The following PTPRF variants were observed in gnomAD, a reference collection of about 807,000 sequenced individuals.
PTPRF encodes the protein protein tyrosine phosphatase receptor type F.
A neutral mutation model predicts 201.8 loss-of-function variants in PTPRF; 59 were observed. That is an observed-to-expected ratio of 0.29 (90% CI 0.24 to 0.36). The LOEUF is 0.36. Ranked by LOEUF, PTPRF falls within the 10% of genes least tolerant of loss-of-function variation. The probability of loss-of-function intolerance (pLI) is 1.00; values close to 1 mark genes in which losing one functional copy is unlikely to be tolerated. For synonymous variants in PTPRF, 1,088 were observed against 1,089.7 expected (o/e 1.00, Z 0.03); for missense variants, 2,132 against 2,690.5 (o/e 0.79, Z 4.59).
chr1:43,587,864 G>A (rs192929934), intron 7 of PTPRF, among the ~76,000 whole-genome samples: 4 of 152,310 alleles, frequency 2.6e-5, no homozygotes, highest in African/African-American at 4.8e-5. Flanking sequence ...CTTCGGGGGC[G>A]GGTGGTTCTA....
chr1:43,523,592 GA>G (rs1318236061), upstream of PTPRF, among the ~76,000 whole-genome samples: 2 of 150,226 alleles, frequency 1.3e-5, no homozygotes, highest in South Asian at 2.1e-4. Context: ...AATGAATACC[GA>G]AAAAAAAACT....
At chr1:43,544,973 G>A in intron 2 of PTPRF, 58 bp from the exon 3 acceptor site, 1 of 995,542 alleles carries the variant, frequency 1.0e-6, no homozygotes, top group Non-Finnish European at 1.5e-6. Context: ...GTCAGGGGTG[G>A]GCATTAGGGA....
rs776694646 is a variant in PTPRF, at chr1:43,603,788, T to C, written c.2636T>C (p.Val879Ala). Residue 879 changes from valine (V) to alanine (A), a missense_variant, in exon 16 of 34, where the codon GTC becomes GCC. Coordinates refer to ENST00000359947, the MANE Select transcript of PTPRF (RefSeq NM_002840.5). This position sits in a 1 kb window ranked among gnomAD's most constrained non-coding sequence, Gnocchi z 5.8. The stretch of plus-strand genomic sequence containing the variant: ...GGCAAGGATGACCAGCACTTCACAG[T>C]CACCGGCCTGCACAAGGGGACCACC... ...DFGKDDQHFT[V>A]TGLHKGTTYI... 3 of 1,614,036 alleles carry C rather than the reference T, an allele frequency of 1.9e-6. No individual in the cohort carries two copies. The highest frequency in any genetic ancestry group is 1.1e-5 in the South Asian group (1 of 91,070).
intron 6 of PTPRF, among the ~76,000 whole-genome samples, chr1:43,570,034 G>A (rs1646463234): frequency 6.6e-6 from 1 of 152,216 alleles, no homozygotes; most frequent in African/African-American, 2.4e-5. Context: ...CATGTGATGT[G>A]CCAGTGTGGT....
chr1:43,554,012 C>A lies in PTPRF; in HGVS notation c.379+71C>A. ...GTGGGAAGAGCCAGCCAGCCCTGAT[C>A]CTGTCCTGGGCCCATGTGCATTTGG... is the stretch of plus-strand genomic sequence containing the variant. On this transcript the variant is annotated intron_variant, in intron 5 of 33. Transcript: ENST00000359947. This position sits in a 1 kb window ranked among gnomAD's most constrained non-coding sequence, Gnocchi z 4.1. 1 of 1,581,520 alleles carries A rather than the reference C, an allele frequency of 6.3e-7. No homozygotes were observed. Among genetic ancestry groups the A allele is most frequent in the Non-Finnish European group, 8.6e-7 (1 of 1,160,892 alleles).
intron 7 of PTPRF, chr1:43,579,424 C>T (rs1426312833): frequency 5.7e-6 from 2 of 352,968 alleles, no homozygotes; most frequent in Admixed American, 3.8e-5. Flanking sequence ...AGCCTATCCT[C>T]TGGCCAGGTC....
intron 7 of PTPRF, chr1:43,583,237 C>A: frequency 2.2e-6 from 1 of 462,732 alleles, no homozygotes; most frequent in Non-Finnish European, 2.8e-6. Flanking sequence ...GGCCGGCGGG[C>A]AGGCAGGACC....
chr1:43,604,817 A>T, intron 16 of PTPRF, 86 bp from the exon 17 acceptor site: 1 of 1,141,678 alleles, frequency 8.8e-7, no homozygotes, highest in Non-Finnish European at 1.3e-6. Context: ...CCAGTGTCTC[A>T]TCCTGGCCAT....
intron 5 of PTPRF, among the ~76,000 whole-genome samples, chr1:43,564,282 G>T (rs1181156403): frequency 6.6e-6 from 1 of 152,156 alleles, no homozygotes; most frequent in Non-Finnish European, 1.5e-5. Flanking sequence ...GTCTGGCTCT[G>T]GCCCTGCTGA....
Position 43,537,860 on chromosome 1 carries a change from G to A in PTPRF, c.-125-338G>A, listed in dbSNP as rs1020401841. Among the ~76,000 whole-genome samples the A allele has an allele frequency of 6.6e-6, 1 of 152,114 alleles. No homozygotes were observed. Among genetic ancestry groups the A allele is most frequent in the African/African-American group, 2.4e-5 (1 of 41,432 alleles). On this transcript the variant is annotated intron_variant, in intron 1 of 33. Coordinates refer to ENST00000359947, the MANE Select transcript of PTPRF (RefSeq NM_002840.5). This position sits in a 1 kb window ranked among gnomAD's most constrained non-coding sequence, Gnocchi z 4.8. The stretch of plus-strand genomic sequence containing the variant: ...AGGTAGGGCTGCAGAGGTGGGAGGG[G>A]CCGACTCTGCTTGGCTCTGGGGTCA...
intron 6 of PTPRF, among the ~76,000 whole-genome samples, 184 bp from the exon 7 acceptor site, chr1:43,578,626 A>T (rs1348323719): frequency 6.6e-6 from 1 of 152,144 alleles, no homozygotes; most frequent in East Asian, 1.9e-4. Context: ...CGTTGGTTCT[A>T]GACAGGAGGC....
At chr1:43,544,959 A>G in intron 2 of PTPRF, 72 bp from the exon 3 acceptor site, 1 of 873,644 alleles carries the variant, frequency 1.1e-6, no homozygotes, top group Non-Finnish European at 1.7e-6. Flanking sequence ...GGGGGTCAGA[A>G]AGCGTCAGGG....
At chr1:43,608,640 C>T (rs1655721695) in intron 21 of PTPRF, among the ~76,000 whole-genome samples, 1 of 152,242 alleles carries the variant, frequency 6.6e-6, no homozygotes, top group Non-Finnish European at 1.5e-5. Flanking sequence ...CACCCGGCTC[C>T]CAGTTCTCTG....
intron 25 of PTPRF, 42 bp downstream of exon 25, chr1:43,617,953 C>G: frequency 6.3e-7 from 1 of 1,575,084 alleles, no homozygotes; most frequent in Non-Finnish European, 8.7e-7. Context: ...TGGGAAATGC[C>G]CAGCCACAAG....
intron 5 of PTPRF, among the ~76,000 whole-genome samples, chr1:43,560,562 G>A (rs2153979623): frequency 6.6e-6 from 1 of 152,280 alleles, no homozygotes; most frequent in Non-Finnish European, 1.5e-5. Flanking sequence ...GCTGAAGTGT[G>A]GTGGGGTCAG....
rs1343932585 is a variant in PTPRF at position 43,542,026 on chromosome 1, A to G, written c.-45-3005A>G. Among the ~76,000 whole-genome samples, 2 of 152,130 alleles carry G rather than the reference A, an allele frequency of 1.3e-5. No homozygotes were observed. Among genetic ancestry groups the G allele is most frequent in the Non-Finnish European group, 2.9e-5 (2 of 68,024 alleles). The stretch of plus-strand genomic sequence containing the variant: ...GATTCACAAGATGCTCAACCTCGCA[A>G]CCGCAGTCAGGCTAGCAGCAGCCCT... On this transcript the variant is annotated intron_variant, in intron 2 of 33. Coordinates refer to ENST00000359947, the MANE Select transcript of PTPRF (RefSeq NM_002840.5). This position sits in a 1 kb window ranked among gnomAD's most constrained non-coding sequence, Gnocchi z 5.2.
chr1:43,598,974 C>T, intron 13 of PTPRF, 61 bp downstream of exon 13: 1 of 1,541,202 alleles, frequency 6.5e-7, no homozygotes, highest in South Asian at 1.2e-5. Flanking sequence ...CACAAGCTCC[C>T]TTTTGGGGCC....
intron 6 of PTPRF, among the ~76,000 whole-genome samples, chr1:43,570,909 C>T (rs765626362): frequency 2.0e-5 from 3 of 152,226 alleles, no homozygotes; most frequent in South Asian, 2.1e-4. Flanking sequence ...CGCTGCCCAG[C>T]GCAGCACAGC....
At chr1:43,536,082 C>G (rs1407296678) in intron 1 of PTPRF, among the ~76,000 whole-genome samples, 1 of 152,174 alleles carries the variant, frequency 6.6e-6, no homozygotes, top group Non-Finnish European at 1.5e-5. Context: ...AGTGTGATTT[C>G]TAACTTGGGT....
Sources: gnomAD v4.1 joint callset for allele counts (sites outside exome capture counted in the v4.1 genomes callset) on GRCh38, gnomAD v4.1.1 for gene constraint, Gnocchi (gnomAD v3.1) non-coding constraint, MANE v1.5 for transcripts, NCBI Gene and HGNC (gene_info 2026-07-23, HGNC 2026-07-21) for gene names.